Variants in ADCY9 observed in about 807,000 individuals in gnomAD.
ADCY9 encodes adenylate cyclase type 9.
ADCY9 carries 50 observed loss-of-function variants against 101.5 expected under a neutral mutation model. That is an observed-to-expected ratio of 0.49 (90% CI 0.39 to 0.62). The LOEUF is 0.62. Among genes scored for constraint, ADCY9 ranks in the 20% least tolerant of loss-of-function variants. The probability of loss-of-function intolerance (pLI) is 0.00; values close to 1 mark genes in which losing one functional copy is unlikely to be tolerated. For missense variants in ADCY9, 1,662 were observed against 1,800.4 expected, an observed-to-expected ratio of 0.92 and a Z score of 1.39; for synonymous variants, 905 against 769.3, an observed-to-expected ratio of 1.18 and a Z score of -2.92.
At chr16:4,047,739 C>A (rs1443681049) in intron 2 of ADCY9, among the ~76,000 whole-genome samples, 1 of 152,182 alleles carries the variant, frequency 6.6e-6, no homozygotes, top group African/African-American at 2.4e-5. Context: ...TATGACCAAG[C>A]AGGTCCTTGG....
In ADCY9 at chr16:3,979,152, G is replaced by A. The variant is rs1567419589; in HGVS notation, c.2643C>T (p.Tyr881=). The A allele has an allele frequency of 1.2e-6, 2 of 1,614,244 alleles. No individual in the cohort carries two copies. The highest frequency in any genetic ancestry group is 8.5e-7 in the Non-Finnish European group (1 of 1,180,046). ...ILVSLPALAV[Y]SHVTSEYETN... ...TCTCATATTCGGAGGTGACATGGGA[G>A]TAGACGGCCAGTGCGGGAAGCGACA... Residue 881 remains tyrosine, a synonymous_variant, in exon 8 of 11, where the codon TAC becomes TAT. Coordinates refer to ENST00000294016, the MANE Select transcript of ADCY9 (RefSeq NM_001116.4).
rs36013667 is a variant in ADCY9, at chr16:3,986,546, C to A, written c.2310+2448G>T. ...GGTCTCGGCTCACTGCAACCTCCGC[C>A]TCCCGGGTTCAGGCGATTTTCCTGT... On this transcript the variant is annotated intron_variant, in intron 6 of 10. Transcript: ENST00000294016. 3.2e-3 allele frequency among the ~76,000 whole-genome samples: 494 copies of A among 152,332 alleles called. 5 individuals are homozygous for A. Among genetic ancestry groups the A allele is most frequent in the Non-Finnish European group, 1.4e-3 (97 of 68,034 alleles).
chr16:4,056,123 A>G (rs760538437), intron 2 of ADCY9, among the ~76,000 whole-genome samples: 8 of 152,232 alleles, frequency 5.3e-5, no homozygotes, highest in Non-Finnish European at 8.8e-5. Flanking sequence ...GGTTGTCTAT[A>G]GAAAATTCTG....
chr16:3,957,079 T>C (rs751957085), intron 5 of ADCY9, among the ~76,000 whole-genome samples: 2 of 152,188 alleles, frequency 1.3e-5, no homozygotes, highest in Non-Finnish European at 2.9e-5. Context: ...AGCCTGACAT[T>C]AAACTCACAC....
intron 2 of ADCY9, among the ~76,000 whole-genome samples, chr16:4,054,573 TTC>T (rs1451138975): frequency 6.6e-6 from 1 of 151,934 alleles, no homozygotes; most frequent in Non-Finnish European, 1.5e-5. Flanking sequence ...ATGGATTTTT[TTC>T]TTTTTTTTTT....
intron 2 of ADCY9, among the ~76,000 whole-genome samples, chr16:4,101,144 G>C (rs899346335): frequency 5.9e-5 from 9 of 152,192 alleles, no homozygotes; most frequent in African/African-American, 2.2e-4. Flanking sequence ...CCACCATTTA[G>C]TATCCCTTTC....
chr16:3,983,666 C>G, intron 6 of ADCY9: 3 of 558,292 alleles, frequency 5.4e-6, no homozygotes, highest in South Asian at 4.6e-5. Flanking sequence ...CGGTGGCTCA[C>G]GCCTGTAATC....
At chr16:4,103,447 G>A (rs534422049) in intron 2 of ADCY9, among the ~76,000 whole-genome samples, 7 of 152,306 alleles carry the variant, frequency 4.6e-5, no homozygotes, top group South Asian at 2.1e-4. Flanking sequence ...AGCAGGTCCC[G>A]ATGCAGGGAA....
chr16:4,033,051 T>C (rs1307111717), intron 2 of ADCY9: 1 of 152,306 alleles, frequency 6.6e-6, no homozygotes, highest in African/African-American at 2.4e-5. Flanking sequence ...CACCATTTGG[T>C]TGCTGTGCAA....
chr16:4,060,819 G>T (rs1025309219), intron 2 of ADCY9, among the ~76,000 whole-genome samples: 18 of 152,216 alleles, frequency 1.2e-4, no homozygotes, highest in African/African-American at 4.1e-4. Context: ...TATAAGACAT[G>T]CAAAGAAACA....
chr16:4,091,664 G>C (rs751774243), intron 2 of ADCY9, among the ~76,000 whole-genome samples: 1 of 152,222 alleles, frequency 6.6e-6, no homozygotes, highest in Non-Finnish European at 1.5e-5. Context: ...GCCACAACAT[G>C]AATGAACCTT....
At chr16:3,982,181 A>G (rs1277125508) in intron 7 of ADCY9, 2 of 152,458 alleles carry the variant, frequency 1.3e-5, no homozygotes, top group African/African-American at 4.8e-5. Flanking sequence ...GAGGAAGCTG[A>G]AAGGGTCCTG....
chr16:4,097,485 T>TACACACACACAC (rs1435990370), intron 2 of ADCY9, among the ~76,000 whole-genome samples: 13 of 73,022 alleles, frequency 1.8e-4, no homozygotes, highest in African/African-American at 3.9e-4. Context: ...TATATATATA[T>TACACACACACAC]ATACACACAC....
intron 2 of ADCY9, among the ~76,000 whole-genome samples, chr16:4,057,037 C>A (rs916329379): frequency 8.5e-5 from 2 of 23,572 alleles, no homozygotes; most frequent in African/African-American, 2.8e-4. Context: ...CTGATGAAAC[C>A]GCCCCCCCCC....
intron 2 of ADCY9, among the ~76,000 whole-genome samples, chr16:4,045,386 G>T (rs891677822): frequency 6.6e-6 from 1 of 151,974 alleles, no homozygotes; most frequent in African/African-American, 2.4e-5. Context: ...CACAAGGTCA[G>T]GAGTTCGCGA....
intron 2 of ADCY9, among the ~76,000 whole-genome samples, chr16:4,110,109 TA>T (rs2057104076): frequency 6.6e-6 from 1 of 152,098 alleles, no homozygotes; most frequent in Non-Finnish European, 1.5e-5. Flanking sequence ...CTCCCGAACA[TA>T]CTCCACAACA....
chr16:3,958,673 C>CCTTTTTT (rs1435835103), downstream of ADCY9, among the ~76,000 whole-genome samples: 1 of 102,998 alleles, frequency 9.7e-6, no homozygotes, highest in African/African-American at 3.9e-5. Flanking sequence ...TCGTCGGTTA[C>CCTTTTTT]TTTTTTTTTT....
intron 2 of ADCY9, among the ~76,000 whole-genome samples, chr16:4,090,129 C>T (rs924671901): frequency 2.0e-5 from 3 of 152,028 alleles, no homozygotes; most frequent in Non-Finnish European, 2.9e-5. Flanking sequence ...GTGTGCCGAG[C>T]GATACCCCTG....
At chr16:3,980,115 C>T (rs1276938343) in intron 7 of ADCY9, among the ~76,000 whole-genome samples, 1 of 152,244 alleles carries the variant, frequency 6.6e-6, no homozygotes, top group African/African-American at 2.4e-5. Context: ...CTCTAGCTGG[C>T]GGCTTCAGGA....
Sources: allele counts gnomAD v4.1 joint callset (sites outside exome capture counted in the v4.1 genomes callset), GRCh38; gene constraint gnomAD v4.1.1; transcripts MANE v1.5; gene names NCBI Gene and HGNC (gene_info 2026-07-23, HGNC 2026-07-21).